Variants in PDE11A observed in about 807,000 individuals in gnomAD.
PDE11A encodes the protein dual 3',5'-cyclic-AMP and -GMP phosphodiesterase 11A.
A neutral mutation model predicts 100.5 loss-of-function variants in PDE11A; 100 were observed. The observed-to-expected ratio is 1.00, with a 90% confidence interval of 0.85 to 1.18. The LOEUF is 1.18. Ranked by LOEUF, PDE11A falls within the 50% of genes most tolerant of loss-of-function variation. The pLI, the probability that PDE11A is intolerant of heterozygous loss-of-function variation, is 0.00. For missense variants in PDE11A, 1,141 were observed against 1,152.6 expected (o/e 0.99, Z 0.15); for synonymous variants, 381 against 420.8 (o/e 0.91, Z 1.16).
At position 178,071,857 on chromosome 2, in the gene PDE11A, C is replaced by T; in HGVS notation, c.581G>A (p.Cys194Tyr). 4 of 1,614,058 alleles carry T rather than the reference C, an allele frequency of 2.5e-6. No individual in the cohort carries two copies. The highest frequency in any genetic ancestry group is 3.4e-6 in the Non-Finnish European group (4 of 1,179,952). ...RYPPTAIDYKCHLKKHNERQF... is the reference protein window; with the variant it reads ...RYPPTAIDYKYHLKKHNERQF... ...ACGCTCATTATGCTTTTTCAGATGG[C>T]ACTTGTAGTCGATGGCTGTAGGGGG... Residue 194 changes from cysteine (C) to tyrosine (Y), a missense_variant, in exon 1 of 20, where the codon TGC (cysteine) becomes TAC (tyrosine). Cys to Tyr is a radical substitution (Grantham distance 194). Transcript: ENST00000286063.
intron 6 of PDE11A, among the ~76,000 whole-genome samples, chr2:177,839,115 C>A (rs1380680092): frequency 6.6e-6 from 1 of 152,192 alleles, no homozygotes; most frequent in Non-Finnish European, 1.5e-5. Context: ...CTGCAGAGAT[C>A]TGCAAAGATG....
intron 5 of PDE11A, among the ~76,000 whole-genome samples, chr2:177,864,801 T>A (rs1324467765): frequency 6.6e-6 from 1 of 152,176 alleles, no homozygotes; most frequent in Non-Finnish European, 1.5e-5. Flanking sequence ...GTTCTTTTAT[T>A]ATATGCTTGT....
chr2:177,648,688 ATAAC>A (rs745634509), intron 19 of PDE11A, among the ~76,000 whole-genome samples: 7 of 152,150 alleles, frequency 4.6e-5, no homozygotes, highest in Non-Finnish European at 8.8e-5. Flanking sequence ...TTAAAATAGT[ATAAC>A]TAGGCAGATA....
intron 1 of PDE11A, among the ~76,000 whole-genome samples, chr2:178,061,817 A>T (rs2086973024): frequency 6.6e-6 from 1 of 152,194 alleles, no homozygotes; most frequent in South Asian, 2.1e-4. Context: ...GTTGATCCTG[A>T]TTCTTTTTAG....
intron 2 of PDE11A, among the ~76,000 whole-genome samples, chr2:177,961,400 G>A (rs1046372390): frequency 5.9e-5 from 9 of 152,198 alleles, no homozygotes; most frequent in African/African-American, 2.2e-4. Flanking sequence ...AGGCTGTATC[G>A]CTGGCAACAT....
rs146051958 is a variant in PDE11A, at chr2:178,072,264, G to A, written c.174C>T (p.Thr58=). The change falls in exon 1 of 20, where the codon ACC becomes ACT. Residue 58 remains threonine, a synonymous_variant. Transcript: ENST00000286063. The stretch of plus-strand genomic sequence containing the variant: ...TGCAGGTGCTGTGAGCCAAGCTGCT[G>A]GTACCAGCCAAAGAGGGCCTTGGAC... The part of the protein sequence containing the change: ...ALGPRPSLAG[T]SSLAHSTCRG... The A allele has an allele frequency of 1.0e-4, 166 of 1,613,490 alleles. No individual in the cohort carries two copies. The highest frequency in any genetic ancestry group is 2.1e-5 in the Non-Finnish European group (25 of 1,179,754).
intron 2 of PDE11A, among the ~76,000 whole-genome samples, chr2:177,949,447 G>A (rs546482007): frequency 7.2e-5 from 11 of 151,954 alleles, no homozygotes; most frequent in Admixed American, 2.0e-4. Flanking sequence ...CTTCATATAC[G>A]TATATAGATC....
intron 1 of PDE11A, among the ~76,000 whole-genome samples, chr2:178,104,634 G>A (rs983573100): frequency 2.6e-5 from 4 of 152,142 alleles, no homozygotes; most frequent in Non-Finnish European, 4.4e-5. Context: ...ATGTATGAGT[G>A]CTCAAAAACA....
intron 2 of PDE11A, among the ~76,000 whole-genome samples, chr2:177,993,717 T>C (rs182273617): frequency 1.3e-5 from 2 of 152,220 alleles, no homozygotes; most frequent in Admixed American, 1.3e-4. Context: ...GAATAGTCAA[T>C]GCATTGTTTA....
chr2:177,939,413 A>T (rs2105771111), intron 2 of PDE11A, among the ~76,000 whole-genome samples: 1 of 141,420 alleles, frequency 7.1e-6, no homozygotes, highest in African/African-American at 2.6e-5. Context: ...GGAAGGAGGG[A>T]AGGAAGAAGG....
chr2:177,842,110 GTTCATTC>G (rs1211921933), intron 5 of PDE11A, among the ~76,000 whole-genome samples: 1 of 152,256 alleles, frequency 6.6e-6, no homozygotes, highest in African/African-American at 2.4e-5. Flanking sequence ...TGGCTTGCCA[GTTCATTC>G]TGCACTGTGT....
intron 19 of PDE11A, among the ~76,000 whole-genome samples, chr2:177,637,739 C>T (rs1030355640): frequency 6.6e-6 from 1 of 150,870 alleles, no homozygotes; most frequent in Non-Finnish European, 1.5e-5. Context: ...TCTAATCATA[C>T]ATATTTAGCC....
chr2:177,627,017 C>CTTTTTTTTT lies in PDE11A; in HGVS notation c.*2381_*2389dup, dbSNP rs768524227. 2 of 40,916 alleles carry CTTTTTTTTT rather than the reference C, an allele frequency of 4.9e-5. No individual in the cohort carries two copies. Among genetic ancestry groups the CTTTTTTTTT allele is most frequent in the Admixed American group, 4.3e-4 (1 of 2,320 alleles). The allele number at this position is 40,916 out of a possible 1,614,324, so 2.5% of individuals were successfully genotyped here. A position where few individuals can be genotyped will look rare whatever the true frequency, so the allele number is the denominator to read the frequency against. On this transcript the variant is annotated 3_prime_UTR_variant, in exon 20 of 20. Transcript: ENST00000286063. The stretch of plus-strand genomic sequence containing the variant: ...TATTCCCCTCTTAGTCTGGTTTATA[C>CTTTTTTTTT]TTTTTTTTTTTTTTTTTTTTTTTTT...
intron 2 of PDE11A, among the ~76,000 whole-genome samples, chr2:177,929,995 A>G (rs2085184354): frequency 2.0e-5 from 3 of 152,224 alleles, no homozygotes; most frequent in Non-Finnish European, 4.4e-5. Flanking sequence ...CACCATTTAC[A>G]AGTTTGATAG....
intron 5 of PDE11A, among the ~76,000 whole-genome samples, chr2:177,867,470 C>T (rs1454186058): frequency 6.6e-6 from 1 of 152,120 alleles, no homozygotes; most frequent in African/African-American, 2.4e-5. Context: ...TGGCTGACGC[C>T]TGTAATTCCA....
At chr2:177,922,476 A>AAAT (rs892697084) in intron 2 of PDE11A, among the ~76,000 whole-genome samples, 3 of 152,102 alleles carry the variant, frequency 2.0e-5, no homozygotes, top group Non-Finnish European at 4.4e-5. Context: ...CAACAACAAA[A>AAAT]AATAATAATA....
In PDE11A at chr2:177,979,869, C is replaced by T. The variant is rs926226987; in HGVS notation, c.1071+34433G>A. Among the ~76,000 whole-genome samples, 23 of 150,306 alleles carry T rather than the reference C, an allele frequency of 1.5e-4. 2 individuals are homozygous for T. The highest frequency in any genetic ancestry group is 7.5e-5 in the Non-Finnish European group (5 of 67,080). ...TCATGATCCGCCTGCCTCAGCCTCT[C>T]AAAGTGCTGGGATTACAAGCGTGAG... On this transcript the variant is annotated intron_variant, in intron 2 of 19. Transcript: ENST00000286063.
chr2:177,853,131 G>T (rs2083744709), intron 5 of PDE11A, among the ~76,000 whole-genome samples: 2 of 196 alleles, frequency 0.01, no homozygotes, highest in Admixed American at 0.062. Flanking sequence ...AATAAATCTG[G>T]GTGGTTTTTT....
intron 10 of PDE11A, among the ~76,000 whole-genome samples, chr2:177,752,340 T>C (rs2082036886): frequency 1.3e-5 from 2 of 152,208 alleles, no homozygotes; most frequent in Non-Finnish European, 2.9e-5. Flanking sequence ...ACTCTTATAA[T>C]GGTAACAACA....
Sources: allele counts gnomAD v4.1 joint callset (sites outside exome capture counted in the v4.1 genomes callset), GRCh38; gene constraint gnomAD v4.1.1; transcripts MANE v1.5; gene names NCBI Gene and HGNC (gene_info 2026-07-23, HGNC 2026-07-21).